The following WDR7 variants were observed in gnomAD, a reference collection of about 807,000 sequenced individuals.
The protein encoded by WDR7 is WD repeat-containing protein 7.
Under a neutral mutation model 169.4 loss-of-function variants are expected in WDR7, and 46 were observed. The ratio of observed to expected loss-of-function variants is 0.27; its 90% CI spans 0.21 to 0.35. WDR7 has a LOEUF of 0.35. WDR7 is among the 10% of genes least tolerant of loss of function. The pLI, the probability that WDR7 is intolerant of heterozygous loss-of-function variation, is 1.00. For synonymous variants in WDR7, 612 were observed against 666.8 expected (o/e 0.92, Z 1.27); for missense variants, 1,534 against 1,859.3 (o/e 0.83, Z 3.22).
intron 7 of WDR7, among the ~76,000 whole-genome samples, chr18:56,688,749 A>G (rs1247351424): frequency 1.3e-5 from 2 of 151,140 alleles, no homozygotes; most frequent in East Asian, 3.9e-4. Flanking sequence ...AAAAAGGGGC[A>G]AGAGGATACA....
At chr18:56,745,007 C>T (rs1599010162) in intron 14 of WDR7, among the ~76,000 whole-genome samples, 1 of 152,122 alleles carries the variant, frequency 6.6e-6, no homozygotes, top group Admixed American at 6.5e-5. Context: ...GGTGCACTTT[C>T]CTGGTCTTTT....
At chr18:56,962,090 C>T (rs761172734) in intron 25 of WDR7, among the ~76,000 whole-genome samples, 6 of 151,884 alleles carry the variant, frequency 4.0e-5, no homozygotes, top group Non-Finnish European at 5.9e-5. Context: ...TAGTAGTCAC[C>T]GTAGCAAAAT....
At chr18:56,785,836 T>C (rs938882580) in intron 19 of WDR7, among the ~76,000 whole-genome samples, 14 of 151,428 alleles carry the variant, frequency 9.2e-5, no homozygotes, top group Admixed American at 3.3e-4. Flanking sequence ...TTTTCTTTTT[T>C]TTTTTTTTTT....
chr18:56,694,330 GTTA>G (rs67999752), intron 9 of WDR7, among the ~76,000 whole-genome samples: 87,389 of 151,774 alleles, frequency 0.58, 29,852 homozygotes, highest in Non-Finnish European at 0.76. Flanking sequence ...CTACACATGA[GTTA>G]TTATAAAGTG....
At chr18:56,784,213 A>T (rs936730124) in intron 19 of WDR7, among the ~76,000 whole-genome samples, 1 of 152,070 alleles carries the variant, frequency 6.6e-6, no homozygotes, top group East Asian at 1.9e-4. Flanking sequence ...TAAGTGACAG[A>T]CTCCAAAACT....
chr18:56,991,706 A>C (rs564216860), intron 26 of WDR7, among the ~76,000 whole-genome samples: 1 of 152,318 alleles, frequency 6.6e-6, no homozygotes, highest in Middle Eastern at 3.4e-3. Flanking sequence ...ACTCTCCATA[A>C]CTGATACCTT....
intron 26 of WDR7, among the ~76,000 whole-genome samples, chr18:56,993,035 A>C (rs2047840216): frequency 6.6e-6 from 1 of 152,178 alleles, no homozygotes; most frequent in South Asian, 2.1e-4. Context: ...CCCAAACTCA[A>C]ACCCAAAGCT....
chr18:56,860,801 TC>T (rs2045792849), intron 20 of WDR7, among the ~76,000 whole-genome samples: 1 of 152,152 alleles, frequency 6.6e-6, no homozygotes, highest in Non-Finnish European at 1.5e-5. Flanking sequence ...TGTTTTAAAA[TC>T]TGATTTAGCT....
rs955223270 is a variant in WDR7, at chr18:56,849,999, C to CT, written c.3305-29937dup. On this transcript the variant is annotated intron_variant, in intron 20 of 27. Transcript: ENST00000254442. ...TTCACCATGACACAGACACATTTGCCTTTTTTTTGTTTCATGAATGTGGCC... is the reference window on the plus strand; with the variant it reads ...TTCACCATGACACAGACACATTTGCCTTTTTTTTTGTTTCATGAATGTGGCC... Among the ~76,000 whole-genome samples the CT allele has an allele frequency of 1.2e-4, 19 of 152,082 alleles. No homozygotes were observed. The South Asian group carries it at 1.7e-3, about 13-fold the overall frequency.
At chr18:56,802,759 G>A (rs1399334457) in intron 19 of WDR7, among the ~76,000 whole-genome samples, 3 of 152,024 alleles carry the variant, frequency 2.0e-5, no homozygotes, top group Non-Finnish European at 4.4e-5. Flanking sequence ...CAGTCTGCGG[G>A]TTGTTTTTCA....
chr18:56,999,034 G>C (rs557906293), intron 26 of WDR7, among the ~76,000 whole-genome samples: 1 of 152,294 alleles, frequency 6.6e-6, no homozygotes, highest in African/African-American at 2.4e-5. Flanking sequence ...AATTTCCAAT[G>C]TCTGGGGATG....
chr18:56,706,752 A>G (rs1323021955), intron 12 of WDR7, among the ~76,000 whole-genome samples: 2 of 151,304 alleles, frequency 1.3e-5, no homozygotes, highest in African/African-American at 4.9e-5. Context: ...CAGTGGTGCC[A>G]TCTTGGCTCA....
chr18:56,794,304 A>ATTTTTTTTTT (rs566857049), intron 19 of WDR7, among the ~76,000 whole-genome samples: 3,692 of 49,258 alleles, frequency 0.075, 1,339 homozygotes, highest in Middle Eastern at 0.11. Context: ...GGTAAAGTCT[A>ATTTTTTTTTT]TTTTTTTTTT....
At chr18:56,803,479 A>G (rs1361295028) in intron 19 of WDR7, among the ~76,000 whole-genome samples, 1 of 152,200 alleles carries the variant, frequency 6.6e-6, no homozygotes, top group Non-Finnish European at 1.5e-5. Context: ...AAAGGTAAAT[A>G]TTCTGATTTT....
At chr18:56,764,514 A>G (rs150233307) in intron 16 of WDR7, among the ~76,000 whole-genome samples, 2,019 of 152,282 alleles carry the variant, frequency 0.013, 21 homozygotes, top group East Asian at 0.033. Context: ...TAACATATCT[A>G]TGACCTCATA....
intron 27 of WDR7, among the ~76,000 whole-genome samples, chr18:57,023,959 C>G (rs1000177096): frequency 3.9e-5 from 6 of 152,250 alleles, no homozygotes; most frequent in African/African-American, 1.4e-4. Flanking sequence ...AGACTGCCAT[C>G]AGCATTTTGT....
Position 56,880,042 on chromosome 18 carries a change from G to C in WDR7, c.3403G>C (p.Ala1135Pro). 1 of 1,614,088 alleles carries C rather than the reference G, an allele frequency of 6.2e-7. No homozygotes were observed. Among genetic ancestry groups the C allele is most frequent in the Non-Finnish European group, 8.5e-7 (1 of 1,179,990 alleles). ...TATTGTTTTACTTGGAGTAATAGGA[G>C]CTGAATTTGGTGCTGAAATTGAACC... ...TAIVLLGVIGAEFGAEIEPPK... is the reference protein window; with the variant it reads ...TAIVLLGVIGPEFGAEIEPPK... The change falls in exon 21 of 28, where the codon GCT (alanine) becomes CCT (proline). Residue 1135 changes from alanine to proline, a missense_variant. Ala to Pro is a conservative substitution (Grantham distance 27). Coordinates refer to ENST00000254442, the MANE Select transcript of WDR7 (RefSeq NM_015285.3).
intron 12 of WDR7, among the ~76,000 whole-genome samples, chr18:56,710,817 G>A (rs536487408): frequency 1.4e-3 from 210 of 152,238 alleles, no homozygotes; most frequent in Non-Finnish European, 2.6e-3. Flanking sequence ...TACCTCGAAG[G>A]GTTGTTATGA....
At position 56,939,297 on chromosome 18, in the gene WDR7, C is replaced by A; in HGVS notation, c.3982-14C>A. ...ATTTGAAATTAATTTTAAATCTGTT[C>A]TTTTCTGTCAAAGGTTATGGACATC... On this transcript the variant is annotated splice_polypyrimidine_tract_variant and intron_variant, in intron 24 of 27. Coordinates refer to ENST00000254442, the MANE Select transcript of WDR7 (RefSeq NM_015285.3). The A allele has an allele frequency of 6.7e-7, 1 of 1,495,586 alleles. No homozygotes were observed. Among genetic ancestry groups the A allele is most frequent in the Non-Finnish European group, 8.9e-7 (1 of 1,118,624 alleles). The allele number at this position is 1,495,586 out of a possible 1,614,324, so 92.6% of individuals were successfully genotyped here. A position where few individuals can be genotyped will look rare whatever the true frequency, so the allele number is the denominator to read the frequency against.
Sources: allele counts gnomAD v4.1 joint callset (sites outside exome capture counted in the v4.1 genomes callset), GRCh38; gene constraint gnomAD v4.1.1; transcripts MANE v1.5; gene names NCBI Gene and HGNC (gene_info 2026-07-23, HGNC 2026-07-21).